Variants in PHACTR1 observed in about 807,000 individuals in gnomAD.
The protein encoded by PHACTR1 is RPEL repeat containing 1.
Under a neutral mutation model 69.2 loss-of-function variants are expected in PHACTR1, and 16 were observed. The ratio of observed to expected loss-of-function variants is 0.23; its 90% CI spans 0.16 to 0.35. The LOEUF (loss-of-function observed/expected upper bound fraction) is 0.35. PHACTR1 is among the 10% of genes least tolerant of loss of function. The pLI is 1.00. For missense variants in PHACTR1, 510 were observed against 734.7 expected, an observed-to-expected ratio of 0.69 and a Z score of 3.54; for synonymous variants, 312 against 284.5, an observed-to-expected ratio of 1.10 and a Z score of -0.97.
At chr6:12,916,701 T>G (rs1197340516) in intron 4 of PHACTR1, among the ~76,000 whole-genome samples, 1 of 152,168 alleles carries the variant, frequency 6.6e-6, no homozygotes, top group Non-Finnish European at 1.5e-5. Flanking sequence ...AGCAACATCA[T>G]TTAGATGGTC....
chr6:13,184,534 T>C (rs1762585315), intron 7 of PHACTR1, among the ~76,000 whole-genome samples: 1 of 152,240 alleles, frequency 6.6e-6, no homozygotes, highest in South Asian at 2.1e-4. Context: ...AAGTGTTTGA[T>C]GGTTTTGAGA....
chr6:12,887,197 T>C (rs1253011601), intron 4 of PHACTR1, among the ~76,000 whole-genome samples: 1 of 152,174 alleles, frequency 6.6e-6, no homozygotes, highest in African/African-American at 2.4e-5. Flanking sequence ...CTTCCTGTGC[T>C]CCTCAGGTTC....
intron 4 of PHACTR1, among the ~76,000 whole-genome samples, chr6:12,889,996 C>T (rs1055362285): frequency 5.9e-5 from 9 of 152,014 alleles, no homozygotes; most frequent in Non-Finnish European, 8.8e-5. Flanking sequence ...CCCCAACCCC[C>T]GGGTCGTGGA....
intron 5 of PHACTR1, among the ~76,000 whole-genome samples, chr6:13,106,051 C>G (rs1019985064): frequency 6.6e-6 from 1 of 152,090 alleles, no homozygotes; most frequent in Non-Finnish European, 1.5e-5. Context: ...GTGGCAACAG[C>G]AAACAGTTTT....
At chr6:12,787,213 C>T (rs1003868782) in intron 4 of PHACTR1, among the ~76,000 whole-genome samples, 9 of 152,286 alleles carry the variant, frequency 5.9e-5, no homozygotes, top group Admixed American at 5.2e-4. Context: ...CCTTTAATGC[C>T]AGTCTTTTCC....
intron 5 of PHACTR1, among the ~76,000 whole-genome samples, chr6:13,056,317 T>C (rs902635485): frequency 6.6e-6 from 1 of 152,192 alleles, no homozygotes. Flanking sequence ...AGAGGATTGC[T>C]TGAACCCAGG....
chr6:13,242,921 CTAGA>C, intron 10 of PHACTR1, among the ~76,000 whole-genome samples: 1 of 152,290 alleles, frequency 6.6e-6, no homozygotes, highest in East Asian at 1.9e-4. Context: ...TAAAAGGTAG[CTAGA>C]TAATTATGCT....
chr6:13,029,604 G>T (rs916684871), intron 4 of PHACTR1, among the ~76,000 whole-genome samples: 1 of 152,188 alleles, frequency 6.6e-6, no homozygotes, highest in Admixed American at 6.5e-5. Flanking sequence ...ATACTGACAT[G>T]AAATGAAGCT....
chr6:12,725,546 A>G (rs1173414387), intron 3 of PHACTR1, among the ~76,000 whole-genome samples: 1 of 152,222 alleles, frequency 6.6e-6, no homozygotes, highest in African/African-American at 2.4e-5. Context: ...GCATGAGCTC[A>G]TATAAATGGC....
rs376677915 is a variant in PHACTR1, at chr6:12,740,963, T to C, written c.104-8681T>C. On this transcript the variant is annotated intron_variant, in intron 3 of 14. Coordinates refer to ENST00000332995, the MANE Select transcript of PHACTR1 (RefSeq NM_030948.6). ...TTTCTTTGGAAAAATGATATTTTTG[T>C]TTCATTTATTTTTCAACTCCTAAAA... is the stretch of plus-strand genomic sequence containing the variant. Among the ~76,000 whole-genome samples, 4 of 152,008 alleles carry C rather than the reference T, an allele frequency of 2.6e-5. No individual in the cohort carries two copies. In the East Asian group the frequency reaches 5.8e-4, roughly 22 times the overall value.
intron 5 of PHACTR1, among the ~76,000 whole-genome samples, chr6:13,063,792 A>AATT (rs1808068412): frequency 1.3e-5 from 2 of 152,042 alleles, no homozygotes; most frequent in South Asian, 4.2e-4. Flanking sequence ...AAAAAAAAAA[A>AATT]ATTATGACTT....
At chr6:12,912,446 A>G (rs910829714) in intron 4 of PHACTR1, among the ~76,000 whole-genome samples, 3 of 152,202 alleles carry the variant, frequency 2.0e-5, no homozygotes, top group Admixed American at 6.5e-5. Flanking sequence ...TCCGTTGTCC[A>G]GTTTTGAAAA....
intron 4 of PHACTR1, among the ~76,000 whole-genome samples, chr6:12,843,700 G>A (rs1778922628): frequency 6.6e-6 from 1 of 152,082 alleles, no homozygotes; most frequent in Admixed American, 6.5e-5. Flanking sequence ...TTCAAAGATG[G>A]TTAACTTTGA....
At chr6:13,071,083 G>C (rs1178408494) in intron 5 of PHACTR1, among the ~76,000 whole-genome samples, 2 of 152,096 alleles carry the variant, frequency 1.3e-5, no homozygotes, top group Non-Finnish European at 2.9e-5. Flanking sequence ...GTTGGGTGAA[G>C]GCAATTTGTG....
chr6:13,040,233 C>T (rs1234131348), intron 4 of PHACTR1, among the ~76,000 whole-genome samples: 1 of 152,156 alleles, frequency 6.6e-6, no homozygotes, highest in Non-Finnish European at 1.5e-5. Flanking sequence ...TCCTGAAGGG[C>T]AGGGCTGAGA....
intron 4 of PHACTR1, among the ~76,000 whole-genome samples, chr6:12,856,670 GT>G (rs1780404009): frequency 6.6e-6 from 1 of 152,130 alleles, no homozygotes; most frequent in Non-Finnish European, 1.5e-5. Context: ...TTCCTGCTGG[GT>G]TTTTACTATA....
At chr6:13,014,292 G>C (rs1020672765) in intron 4 of PHACTR1, among the ~76,000 whole-genome samples, 14 of 152,104 alleles carry the variant, frequency 9.2e-5, no homozygotes, top group African/African-American at 2.7e-4. Context: ...CCGCCCGCCG[G>C]GCACTTTGCA....
intron 10 of PHACTR1, among the ~76,000 whole-genome samples, chr6:13,258,660 T>C (rs1775514167): frequency 6.6e-6 from 1 of 152,226 alleles, no homozygotes; most frequent in African/African-American, 2.4e-5. Context: ...TCTCAGTCTT[T>C]TCCTTTGATC....
chr6:12,872,970 GCTTCCTTCCTTCCTTCTTTCTTTCCTTC>G, intron 4 of PHACTR1, among the ~76,000 whole-genome samples: 1 of 141,990 alleles, frequency 7.0e-6, no homozygotes, highest in African/African-American at 2.6e-5. Context: ...TTCCTTCCTT[GCTTCCTTCCTTCCTTCTTTCTTTCCTTC>G]CTTCCTTCCT....
Sources: gnomAD v4.1 joint callset for allele counts (sites outside exome capture counted in the v4.1 genomes callset) on GRCh38, gnomAD v4.1.1 for gene constraint, MANE v1.5 for transcripts, NCBI Gene and HGNC (gene_info 2026-07-23, HGNC 2026-07-21) for gene names.